KCNH8: variants seen among roughly 807,000 people sequenced by gnomAD.
KCNH8 encodes voltage-gated delayed rectifier potassium channel KCNH8.
Under a neutral mutation model 103.6 loss-of-function variants are expected in KCNH8, and 70 were observed. The ratio of observed to expected loss-of-function variants is 0.68; its 90% CI spans 0.56 to 0.82. The LOEUF is 0.82. KCNH8 is among the 40% of genes least tolerant of loss of function. The probability of loss-of-function intolerance (pLI) is 0.00; values close to 1 mark genes in which losing one functional copy is unlikely to be tolerated. For synonymous variants in KCNH8, 498 were observed against 489.4 expected (o/e 1.02, Z -0.23); for missense variants, 1,217 against 1,329.9 (o/e 0.92, Z 1.32).
intron 10 of KCNH8, among the ~76,000 whole-genome samples, chr3:19,454,697 T>TAAG (rs1489291905): frequency 6.6e-6 from 1 of 152,160 alleles, no homozygotes; most frequent in African/African-American, 2.4e-5. Flanking sequence ...AAAAACTACT[T>TAAG]ACGGCTGAAA....
At chr3:19,389,480 CAA>C (rs1427034955) in intron 5 of KCNH8, among the ~76,000 whole-genome samples, 2 of 152,228 alleles carry the variant, frequency 1.3e-5, no homozygotes, top group East Asian at 3.9e-4. Flanking sequence ...GAAATTCACA[CAA>C]GAAACTACCA....
Position 19,486,118 on chromosome 3 carries a change from G to C in KCNH8, c.2041-24245G>C, listed in dbSNP as rs187736076. ...TATCCTGCACATCTTTCATCTTGTG[G>C]GTTGATGAAGCTGCTCCCATCTACA... On this transcript the variant is annotated intron_variant, in intron 11 of 15. Transcript: ENST00000328405. 3.5e-3 allele frequency among the ~76,000 whole-genome samples: 527 copies of C among 152,288 alleles called. 6 individuals carry two copies. Among genetic ancestry groups the C allele is most frequent in the African/African-American group, 0.011 (476 of 41,554 alleles).
At chr3:19,170,486 A>G (rs949413605) in intron 1 of KCNH8, among the ~76,000 whole-genome samples, 20 of 151,350 alleles carry the variant, frequency 1.3e-4, no homozygotes, top group Non-Finnish European at 2.4e-4. Flanking sequence ...TTGGGGAACA[A>G]TGTGAAACTG....
intron 10 of KCNH8, among the ~76,000 whole-genome samples, chr3:19,455,496 A>G (rs771183515): frequency 6.6e-6 from 1 of 152,110 alleles, no homozygotes; most frequent in Non-Finnish European, 1.5e-5. Context: ...TCTTTTAGAA[A>G]TAAGGATACT....
At chr3:19,286,451 C>T (rs2064833291) in intron 3 of KCNH8, among the ~76,000 whole-genome samples, 1 of 152,170 alleles carries the variant, frequency 6.6e-6, no homozygotes, top group South Asian at 2.1e-4. Flanking sequence ...GGAGAGTCCT[C>T]AGGAAACCAA....
chr3:19,351,110 C>A (rs910097700), intron 5 of KCNH8, among the ~76,000 whole-genome samples: 1 of 151,772 alleles, frequency 6.6e-6, no homozygotes, highest in Non-Finnish European at 1.5e-5. Flanking sequence ...GTAGCCAATT[C>A]GATCAAGTGG....
chr3:19,166,284 AC>A (rs769694018), intron 1 of KCNH8, among the ~76,000 whole-genome samples: 1 of 152,220 alleles, frequency 6.6e-6, no homozygotes, highest in Non-Finnish European at 1.5e-5. Flanking sequence ...GTTAATGTTT[AC>A]AGTGAATGCC....
At chr3:19,177,957 A>G (rs1265861108) in intron 1 of KCNH8, among the ~76,000 whole-genome samples, 4 of 152,156 alleles carry the variant, frequency 2.6e-5, no homozygotes, top group African/African-American at 9.7e-5. Flanking sequence ...ATTATATATT[A>G]GAAGGTGATG....
intron 1 of KCNH8, among the ~76,000 whole-genome samples, chr3:19,155,677 C>CT (rs1369669284): frequency 6.6e-6 from 1 of 152,128 alleles, no homozygotes; most frequent in Non-Finnish European, 1.5e-5. Flanking sequence ...TTTTGGGACT[C>CT]TGCTTTTCAC....
At chr3:19,225,600 T>C (rs993839020) in intron 1 of KCNH8, among the ~76,000 whole-genome samples, 3 of 152,038 alleles carry the variant, frequency 2.0e-5, no homozygotes, top group Non-Finnish European at 4.4e-5. Context: ...GCCCTTCATA[T>C]AAAAATTCTT....
intron 11 of KCNH8, among the ~76,000 whole-genome samples, chr3:19,497,608 T>G (rs570838968): frequency 6.6e-6 from 1 of 152,168 alleles, no homozygotes; most frequent in Non-Finnish European, 1.5e-5. Flanking sequence ...AAGAGTGTGG[T>G]TGGTATGATT....
chr3:19,177,978 CT>C (rs1193302687), intron 1 of KCNH8, among the ~76,000 whole-genome samples: 4 of 151,852 alleles, frequency 2.6e-5, no homozygotes, highest in Non-Finnish European at 4.4e-5. Context: ...CTTTGCTTCA[CT>C]TTTTTTTCTT....
rs368356244 is a variant in KCNH8 at position 19,390,657 on chromosome 3, G to A, written c.969+19G>A. 5.1e-5 allele frequency: 81 copies of A among 1,598,476 alleles called. No homozygotes were observed. The highest frequency in any genetic ancestry group is 9.5e-5 in the African/African-American group (7 of 73,896). On this transcript the variant is annotated intron_variant, in intron 6 of 15. Transcript: ENST00000328405. ...CACAGTGGTGAGTAAAGAGCTCCCC[G>A]CCACATGGCCTTTAAGGTTGATTTA...
chr3:19,303,962 G>T (rs1007742204), intron 3 of KCNH8, among the ~76,000 whole-genome samples: 2 of 152,104 alleles, frequency 1.3e-5, no homozygotes, highest in Non-Finnish European at 2.9e-5. Context: ...CTTTTTTGCA[G>T]AAAGGTTGAG....
At chr3:19,286,628 T>C (rs1030999486) in intron 3 of KCNH8, among the ~76,000 whole-genome samples, 1 of 152,240 alleles carries the variant, frequency 6.6e-6, no homozygotes, top group East Asian at 1.9e-4. Flanking sequence ...AAATTCCTCA[T>C]ATAAAATGAT....
rs951709578 is a variant in KCNH8, at chr3:19,158,990, T to C, written c.76+10195T>C. ...CCTTCTCCTTCTTAACTTTAAGGGG[T>C]ATTATTTTATTGTTTTTCTAATGAG... On this transcript the variant is annotated intron_variant, in intron 1 of 15. Transcript: ENST00000328405. 4.3e-4 allele frequency among the ~76,000 whole-genome samples: 66 copies of C among 151,950 alleles called. 1 individual carries two copies. Among genetic ancestry groups the C allele is most frequent in the African/African-American group, 1.6e-3 (65 of 41,494 alleles).
chr3:19,518,340 G>A (rs1424432154), intron 15 of KCNH8, among the ~76,000 whole-genome samples: 1 of 151,908 alleles, frequency 6.6e-6, no homozygotes, highest in African/African-American at 2.4e-5. Flanking sequence ...AAATAATCTA[G>A]GTCAATCATT....
chr3:19,277,745 AT>A lies in KCNH8; in HGVS notation c.311-3448del, dbSNP rs1243538552. Reference sequence around the variant, plus strand: ...TGTAACTATTCAATTCCAAAAATAGATTTTTCCATATAAGGTAAAAACCTTG... The same window carrying A: ...TGTAACTATTCAATTCCAAAAATAGATTTTCCATATAAGGTAAAAACCTTG... On this transcript the variant is annotated intron_variant, in intron 2 of 15. Transcript: ENST00000328405. Among the ~76,000 whole-genome samples the A allele has an allele frequency of 2.0e-5, 3 of 152,240 alleles. No homozygotes were observed. The East Asian group carries it at 5.8e-4, about 29-fold the overall frequency.
intron 11 of KCNH8, among the ~76,000 whole-genome samples, chr3:19,509,133 C>T (rs1400082900): frequency 6.6e-6 from 1 of 152,170 alleles, no homozygotes; most frequent in African/African-American, 2.4e-5. Context: ...TATTACAAAA[C>T]TTATGTCTAA....
Sources: allele counts gnomAD v4.1 joint callset (sites outside exome capture counted in the v4.1 genomes callset), GRCh38; gene constraint gnomAD v4.1.1; transcripts MANE v1.5; gene names NCBI Gene and HGNC (gene_info 2026-07-23, HGNC 2026-07-21).